DRAXIN: variants seen among roughly 807,000 people sequenced by gnomAD.
DRAXIN encodes the protein dorsal repulsive axon guidance protein.
DRAXIN carries 27 observed loss-of-function variants against 33.9 expected under a neutral mutation model. That is an observed-to-expected ratio of 0.80 (90% CI 0.59 to 1.10). The LOEUF (loss-of-function observed/expected upper bound fraction) is 1.10, where lower values mean the gene tolerates loss of function less well. Among genes scored for constraint, DRAXIN ranks in the 50% least tolerant of loss-of-function variants. The pLI, the probability that DRAXIN is intolerant of heterozygous loss-of-function variation, is 0.00. For synonymous variants in DRAXIN, 178 were observed against 194.0 expected, an observed-to-expected ratio of 0.92 and a Z score of 0.69; for missense variants, 371 against 460.8, an observed-to-expected ratio of 0.81 and a Z score of 1.78.
At chr1:11,702,747 C>CTTTTTTTTTTT (rs33972819) in intron 1 of DRAXIN, among the ~76,000 whole-genome samples, 2 of 145,552 alleles carry the variant, frequency 1.4e-5, no homozygotes, top group Non-Finnish European at 1.5e-5. Context: ...GGTATGAATT[C>CTTTTTTTTTTT]TTTTTTTTTT....
rs932183644 is a variant in DRAXIN, at chr1:11,696,500, C to T, written c.-11+4647C>T. On this transcript the variant is annotated intron_variant, in intron 1 of 6. Transcript: ENST00000294485. This position sits in a 1 kb window ranked among gnomAD's most constrained non-coding sequence, Gnocchi z 4.7. ...ACTCGGAAGGCTGAGGCAGGAGAAT[C>T]GCTTGAACCTGGGAGGCGGAGGTTG... Among the ~76,000 whole-genome samples, 8 of 151,566 alleles carry T rather than the reference C, an allele frequency of 5.3e-5. No individual in the cohort carries two copies. Among genetic ancestry groups the T allele is most frequent in the Non-Finnish European group, 8.8e-5 (6 of 67,910 alleles).
In DRAXIN at chr1:11,696,780, G is replaced by GA. The variant is rs1162139171; in HGVS notation, c.-11+4928dup. ...AGGCAGAAGAATTGCTTGAACCCAG[G>GA]AGGCAATGAGCCTCCTGGTTTCAGT... is the stretch of plus-strand genomic sequence containing the variant. On this transcript the variant is annotated intron_variant, in intron 1 of 6. Transcript: ENST00000294485. This position sits in a 1 kb window ranked among gnomAD's most constrained non-coding sequence, Gnocchi z 4.7. Among the ~76,000 whole-genome samples, 1 of 151,678 alleles carries GA rather than the reference G, an allele frequency of 6.6e-6. No individual in the cohort carries two copies. Among genetic ancestry groups the GA allele is most frequent in the Non-Finnish European group, 1.5e-5 (1 of 67,936 alleles).
At position 11,704,951 on chromosome 1, in the gene DRAXIN, G is replaced by A. The variant is rs892253227; in HGVS notation, c.-10-1298G>A. Among the ~76,000 whole-genome samples, 2 of 152,184 alleles carry A rather than the reference G, an allele frequency of 1.3e-5. No homozygotes were observed. Among genetic ancestry groups the A allele is most frequent in the African/African-American group, 2.4e-5 (1 of 41,452 alleles). On this transcript the variant is annotated intron_variant, in intron 1 of 6. Transcript: ENST00000294485. This position sits in a 1 kb window ranked among gnomAD's most constrained non-coding sequence, Gnocchi z 4.6. ...TGTTTCCCCCCTCCCCTCCACGAGT[G>A]CGTGGTCAGAGCTTCGAGGGCACAG...
rs545022015 is a variant in DRAXIN at position 11,704,936 on chromosome 1, C to T, written c.-10-1313C>T. 1.1e-4 allele frequency among the ~76,000 whole-genome samples: 17 copies of T among 152,310 alleles called. No individual in the cohort carries two copies. Among genetic ancestry groups the T allele is most frequent in the African/African-American group, 4.1e-4 (17 of 41,574 alleles). On this transcript the variant is annotated intron_variant, in intron 1 of 6. Coordinates refer to ENST00000294485, the MANE Select transcript of DRAXIN (RefSeq NM_198545.4). This position sits in a 1 kb window ranked among gnomAD's most constrained non-coding sequence, Gnocchi z 4.6. ...CGAGGCTGGAGAAGGTGTTTCCCCC[C>T]TCCCCTCCACGAGTGCGTGGTCAGA... is the stretch of plus-strand genomic sequence containing the variant.
At chr1:11,689,231 G>C (rs928205946), upstream of DRAXIN, among the ~76,000 whole-genome samples, 1 of 139,268 alleles carries the variant, frequency 7.2e-6, no homozygotes, top group African/African-American at 2.7e-5. Context: ...GGAGGCAGAA[G>C]TTGCAGTGAG....
At chr1:11,700,639 C>A (rs1180196297) in intron 1 of DRAXIN, among the ~76,000 whole-genome samples, 1 of 152,216 alleles carries the variant, frequency 6.6e-6, no homozygotes, top group African/African-American at 2.4e-5. Context: ...CAAATACAGT[C>A]GCACGAATTT....
rs930125741 is a variant in DRAXIN, at chr1:11,693,278, G to A, written c.-11+1425G>A. 9.2e-5 allele frequency among the ~76,000 whole-genome samples: 14 copies of A among 152,160 alleles called. No homozygotes were observed. The East Asian group carries it at 1.5e-3, about 17-fold the overall frequency. ...AACAACTGATCACCCATCAGAAGGC[G>A]TCCGGTGACTCACCCCCAATTCTGA... On this transcript the variant is annotated intron_variant, in intron 1 of 6. Transcript: ENST00000294485.
At chr1:11,708,064 G>C (rs1482533812) in intron 2 of DRAXIN, among the ~76,000 whole-genome samples, 2 of 152,246 alleles carry the variant, frequency 1.3e-5, no homozygotes, top group African/African-American at 4.8e-5. Flanking sequence ...GCAGAGGTCA[G>C]TCAGGGTCCC....
At chr1:11,700,490 G>A (rs1017033774) in intron 1 of DRAXIN, among the ~76,000 whole-genome samples, 15 of 152,232 alleles carry the variant, frequency 9.9e-5, no homozygotes, top group Non-Finnish European at 2.2e-4. Flanking sequence ...TGATGGGGCC[G>A]TGCCCATGTT....
At chr1:11,712,250 G>C (rs1391768862) in intron 4 of DRAXIN, 90 bp from the exon 5 acceptor site, 56 of 1,434,536 alleles carry the variant, frequency 3.9e-5, no homozygotes, top group Non-Finnish European at 5.2e-5. Flanking sequence ...CTGTAGAGTG[G>C]TGGTATGGGC....
chr1:11,712,087 G>A, intron 4 of DRAXIN, 122 bp downstream of exon 4: 1 of 1,005,262 alleles, frequency 9.9e-7, no homozygotes, highest in Admixed American at 2.1e-5. Flanking sequence ...GGGATGTGGG[G>A]AGAGGGGGAG....
rs199519180 is a variant in DRAXIN, at chr1:11,709,251, C to T, written c.452-24C>T. 38 of 1,589,790 alleles carry T rather than the reference C, an allele frequency of 2.4e-5. No homozygotes were observed. In the African/African-American group the frequency reaches 2.6e-4, roughly 11 times the overall value. On this transcript the variant is annotated intron_variant, in intron 2 of 6. Coordinates refer to ENST00000294485, the MANE Select transcript of DRAXIN (RefSeq NM_198545.4). Reference sequence around the variant, plus strand: ...CGAGGTGGCAAGCAGATATAGCCCCCGTGCTCCCCACCCTGTGTCTCAGGC... The same window carrying T: ...CGAGGTGGCAAGCAGATATAGCCCCTGTGCTCCCCACCCTGTGTCTCAGGC...
chr1:11,719,951 G>A lies in DRAXIN; in HGVS notation c.*255G>A. On this transcript the variant is annotated 3_prime_UTR_variant, in exon 7 of 7. Coordinates refer to ENST00000294485, the MANE Select transcript of DRAXIN (RefSeq NM_198545.4). The stretch of plus-strand genomic sequence containing the variant: ...CCCGCGTGTCTTGCTCTCCGCGATG[G>A]CAATGCCGAGAGTGCCCTCTACTGT... 1 of 474,194 alleles carries A rather than the reference G, an allele frequency of 2.1e-6. No individual in the cohort carries two copies. Among genetic ancestry groups the A allele is most frequent in the Non-Finnish European group, 3.9e-6 (1 of 255,812 alleles). 29.4% of individuals were successfully genotyped at this position (474,194 alleles called of 1,614,324 possible).
chr1:11,710,374 A>G (rs939276816), intron 3 of DRAXIN, among the ~76,000 whole-genome samples: 3 of 152,024 alleles, frequency 2.0e-5, no homozygotes, highest in Non-Finnish European at 2.9e-5. Flanking sequence ...ATGTGCCTGT[A>G]GTACCAGCTA....
chr1:11,716,139 G>T (rs35307526), intron 6 of DRAXIN, among the ~76,000 whole-genome samples: 7 of 152,104 alleles, frequency 4.6e-5, no homozygotes, highest in Non-Finnish European at 7.4e-5. Flanking sequence ...AAAGTTCTGG[G>T]ATTACAGGCA....
In DRAXIN at chr1:11,721,105, C is replaced by T. The variant is rs113125713; in HGVS notation, c.*1409C>T. 1 of 152,198 alleles carries T rather than the reference C, an allele frequency of 6.6e-6. No homozygotes were observed. Among genetic ancestry groups the T allele is most frequent in the African/African-American group, 2.4e-5 (1 of 41,430 alleles). 9.4% of individuals were successfully genotyped at this position (152,198 alleles called of 1,614,324 possible). A position where few individuals can be genotyped will look rare whatever the true frequency, so the allele number is the denominator to read the frequency against. On this transcript the variant is annotated 3_prime_UTR_variant, in exon 7 of 7. Coordinates refer to ENST00000294485, the MANE Select transcript of DRAXIN (RefSeq NM_198545.4). ...TACAGTTTTCTGGAGCACTTCCCCC[C>T]CAGGGGTTCTGATGCAAGCATGGAA...
At chr1:11,709,947 G>C (rs951012334) in intron 3 of DRAXIN, among the ~76,000 whole-genome samples, 14 of 151,946 alleles carry the variant, frequency 9.2e-5, no homozygotes, top group Non-Finnish European at 8.8e-5. Flanking sequence ...AGCACTTAGG[G>C]AGGCCAAGGT....
rs2100745925 is a variant in DRAXIN at position 11,719,777 on chromosome 1, A to C, written c.*81A>C. ...GTTTGTAACTAGCAGTGGGAGATCA[A>C]GTTGGGGAACAGATGGCTGAGGCTG... is the stretch of plus-strand genomic sequence containing the variant. On this transcript the variant is annotated 3_prime_UTR_variant, in exon 7 of 7. Coordinates refer to ENST00000294485, the MANE Select transcript of DRAXIN (RefSeq NM_198545.4). 1 of 1,257,980 alleles carries C rather than the reference A, an allele frequency of 7.9e-7. No homozygotes were observed. Among genetic ancestry groups the C allele is most frequent in the South Asian group, 1.3e-5 (1 of 78,542 alleles). The allele number at this position is 1,257,980 out of a possible 1,614,324, so 77.9% of individuals were successfully genotyped here. A position where few individuals can be genotyped will look rare whatever the true frequency, so the allele number is the denominator to read the frequency against.
chr1:11,710,354 G>C (rs1195285538), intron 3 of DRAXIN, among the ~76,000 whole-genome samples: 1 of 151,768 alleles, frequency 6.6e-6, no homozygotes, highest in Non-Finnish European at 1.5e-5. Context: ...AATTAGACAG[G>C]CATGAGGGCA....
Sources: gnomAD v4.1 joint callset for allele counts (sites outside exome capture counted in the v4.1 genomes callset) on GRCh38, gnomAD v4.1.1 for gene constraint, Gnocchi (gnomAD v3.1) non-coding constraint, MANE v1.5 for transcripts, NCBI Gene and HGNC (gene_info 2026-07-23, HGNC 2026-07-21) for gene names.